Variants in OSBPL5 observed in about 807,000 individuals in gnomAD.
OSBPL5 encodes oxysterol-binding protein-related protein 5.
Under a neutral mutation model 111.2 loss-of-function variants are expected in OSBPL5, and 71 were observed. That is an observed-to-expected ratio of 0.64 (90% CI 0.53 to 0.78). OSBPL5 has a LOEUF of 0.78. Ranked by LOEUF, OSBPL5 falls within the 30% of genes least tolerant of loss-of-function variation. The probability of loss-of-function intolerance (pLI) is 0.00; values close to 1 mark genes in which losing one functional copy is unlikely to be tolerated. For missense variants in OSBPL5, 1,210 were observed against 1,189.3 expected (o/e 1.02, Z -0.26); for synonymous variants, 549 against 513.9 (o/e 1.07, Z -0.93).
intron 1 of OSBPL5, among the ~76,000 whole-genome samples, chr11:3,147,248 G>A (rs963151257): frequency 4.6e-5 from 7 of 152,318 alleles, no homozygotes; most frequent in Admixed American, 4.6e-4. Context: ...GAGGATGCTG[G>A]CAGAGGCCCT....
At chr11:3,125,792 G>A (rs1388790960) in intron 3 of OSBPL5, among the ~76,000 whole-genome samples, 1 of 134,938 alleles carries the variant, frequency 7.4e-6, no homozygotes, top group Non-Finnish European at 1.5e-5. Context: ...GTGACAGAGC[G>A]AGACTCCGTC....
intron 1 of OSBPL5, among the ~76,000 whole-genome samples, chr11:3,152,040 C>G (rs570127642): frequency 6.6e-6 from 1 of 152,226 alleles, no homozygotes; most frequent in Admixed American, 6.5e-5. Flanking sequence ...AGTGAGAAAG[C>G]GAGGCCTTCT....
chr11:3,126,951 C>T lies in OSBPL5; in HGVS notation c.137-396G>A. 6.6e-6 allele frequency among the ~76,000 whole-genome samples: 1 copy of T among 152,298 alleles called. No individual in the cohort carries two copies. Among genetic ancestry groups the T allele is most frequent in the South Asian group, 2.1e-4 (1 of 4,820 alleles). ...GGTTTGGGGCCCCTGGACTGTGCAT[C>T]CCCCTGGCTGGATGCTGCCGGCCCC... On this transcript the variant is annotated intron_variant, in intron 2 of 21. Coordinates refer to ENST00000263650, the MANE Select transcript of OSBPL5 (RefSeq NM_020896.4). This position sits in a 1 kb window ranked among gnomAD's most constrained non-coding sequence, Gnocchi z 6.5.
At chr11:3,100,703 A>C (rs1857423524) in intron 13 of OSBPL5, among the ~76,000 whole-genome samples, 1 of 152,144 alleles carries the variant, frequency 6.6e-6, no homozygotes, top group Admixed American at 6.5e-5. Flanking sequence ...CCCCTCCCAG[A>C]CTTCCACACA....
At chr11:3,145,221 G>A (rs928624294) in intron 1 of OSBPL5, among the ~76,000 whole-genome samples, 3 of 152,186 alleles carry the variant, frequency 2.0e-5, no homozygotes, top group African/African-American at 7.2e-5. Flanking sequence ...CTGTGGCAGA[G>A]CCACCTTTTC....
chr11:3,112,275 C>T (rs1858023056), intron 7 of OSBPL5, among the ~76,000 whole-genome samples: 1 of 152,142 alleles, frequency 6.6e-6, no homozygotes, highest in African/African-American at 2.4e-5. Context: ...TCTCCTTTCT[C>T]TTGCACCTTC....
At position 3,110,757 on chromosome 11, in the gene OSBPL5, T is replaced by C. The variant is rs1471117617; in HGVS notation, c.692-2812A>G. On this transcript the variant is annotated intron_variant, in intron 7 of 21. Coordinates refer to ENST00000263650, the MANE Select transcript of OSBPL5 (RefSeq NM_020896.4). The surrounding 1 kb of genome is among the most constrained non-coding windows in gnomAD (Gnocchi z 5.3). Reference sequence around the variant, plus strand: ...AAAAAATGCAACCATCTTTCTCTTATCTACCTATGACCTGGAAGCCCCTCC... The same window carrying C: ...AAAAAATGCAACCATCTTTCTCTTACCTACCTATGACCTGGAAGCCCCTCC... 1.3e-5 allele frequency among the ~76,000 whole-genome samples: 2 copies of C among 152,166 alleles called. No homozygotes were observed. Among genetic ancestry groups the C allele is most frequent in the East Asian group, 3.9e-4 (2 of 5,194 alleles).
At chr11:3,124,802 GAAT>G (rs1858548975) in intron 3 of OSBPL5, among the ~76,000 whole-genome samples, 1 of 138,770 alleles carries the variant, frequency 7.2e-6, no homozygotes, top group Admixed American at 7.2e-5. Flanking sequence ...TCGAATGAAT[GAAT>G]GGATGAATGG....
chr11:3,089,696 C>T (rs1856990656), intron 21 of OSBPL5, 150 bp downstream of exon 21: 1 of 704,472 alleles, frequency 1.4e-6, no homozygotes, highest in Non-Finnish European at 2.4e-6. Flanking sequence ...CGGTTGTCTT[C>T]CTTTCATCAC....
Position 3,092,637 on chromosome 11 carries a change from C to G in OSBPL5, c.2133-79G>C. On this transcript the variant is annotated intron_variant, in intron 18 of 21. Coordinates refer to ENST00000263650, the MANE Select transcript of OSBPL5 (RefSeq NM_020896.4). This position sits in a 1 kb window ranked among gnomAD's most constrained non-coding sequence, Gnocchi z 5.4. ...GGCTGTCCTGGCCCAGTCTTCAGCCCCCCAACAGTGGCCAGAGACCTCCAG... is the reference window on the plus strand; with the variant it reads ...GGCTGTCCTGGCCCAGTCTTCAGCCGCCCAACAGTGGCCAGAGACCTCCAG... 2.7e-6 allele frequency: 4 copies of G among 1,463,784 alleles called. No homozygotes were observed. Among genetic ancestry groups the G allele is most frequent in the Non-Finnish European group, 3.6e-6 (4 of 1,096,108 alleles). 90.7% of individuals were successfully genotyped at this position (1,463,784 alleles called of 1,614,324 possible). A position where few individuals can be genotyped will look rare whatever the true frequency, so the allele number is the denominator to read the frequency against.
Position 3,088,178 on chromosome 11 carries a change from C to T in OSBPL5, c.*27G>A, listed in dbSNP as rs2289998. 0.71 allele frequency: 1,080,338 copies of T among 1,527,110 alleles called. 384,217 individuals carry two copies. Among genetic ancestry groups the T allele is most frequent in the East Asian group, 0.84 (34,906 of 41,618 alleles). 94.6% of individuals were successfully genotyped at this position (1,527,110 alleles called of 1,614,324 possible). A position where few individuals can be genotyped will look rare whatever the true frequency, so the allele number is the denominator to read the frequency against. Reference sequence around the variant, plus strand: ...GTGCCTGGGAGGGAGGGCTCAGGACCGGCCAGGAGCTCTGCCCTCAGGGCT... The same window carrying T: ...GTGCCTGGGAGGGAGGGCTCAGGACTGGCCAGGAGCTCTGCCCTCAGGGCT... On this transcript the variant is annotated 3_prime_UTR_variant, in exon 22 of 22. Transcript: ENST00000263650.
At position 3,121,160 on chromosome 11, in the gene OSBPL5, C is replaced by T. The variant is rs948206376; in HGVS notation, c.403-536G>A. Among the ~76,000 whole-genome samples the T allele has an allele frequency of 7.3e-5, 11 of 150,486 alleles. No individual in the cohort carries two copies. The highest frequency in any genetic ancestry group is 2.0e-4 in the African/African-American group (8 of 40,770). On this transcript the variant is annotated intron_variant, in intron 5 of 21. Coordinates refer to ENST00000263650, the MANE Select transcript of OSBPL5 (RefSeq NM_020896.4). This position sits in a 1 kb window ranked among gnomAD's most constrained non-coding sequence, Gnocchi z 4.3. The stretch of plus-strand genomic sequence containing the variant: ...GCAAACTCTGCCTCCCAGGTTCAAG[C>T]GATTCTCCTGCCTCAGCCGCCCGAG...
In OSBPL5 at chr11:3,119,641, G is replaced by C; in HGVS notation, c.607-10C>G. ...TCTCACCTTTGGGGCCCTGGAGAGA[G>C]AGAGATCTGGGTGTCACCCGAGGCA... On this transcript the variant is annotated splice_polypyrimidine_tract_variant and intron_variant, in intron 6 of 21. Transcript: ENST00000263650. 3 of 1,579,866 alleles carry C rather than the reference G, an allele frequency of 1.9e-6. No homozygotes were observed. Among genetic ancestry groups the C allele is most frequent in the South Asian group, 1.2e-5 (1 of 86,624 alleles).
intron 1 of OSBPL5, among the ~76,000 whole-genome samples, chr11:3,137,622 G>C (rs1845985891): frequency 6.6e-6 from 1 of 152,202 alleles, no homozygotes; most frequent in Non-Finnish European, 1.5e-5. Context: ...AGATCAGCCT[G>C]GGCAACATAG....
At chr11:3,114,028 G>A (rs1020803451) in intron 7 of OSBPL5, among the ~76,000 whole-genome samples, 1 of 151,976 alleles carries the variant, frequency 6.6e-6, no homozygotes, top group Non-Finnish European at 1.5e-5. Flanking sequence ...AAATGTAATA[G>A]GACAAATACT....
chr11:3,091,885 C>T (rs1037549761), intron 19 of OSBPL5, among the ~76,000 whole-genome samples: 1 of 152,156 alleles, frequency 6.6e-6, no homozygotes, highest in African/African-American at 2.4e-5. Flanking sequence ...ACCCTCTGCA[C>T]GCAGTAGGTG....
At position 3,109,159 on chromosome 11, in the gene OSBPL5, C is replaced by G. The variant is rs1444300599; in HGVS notation, c.692-1214G>C. On this transcript the variant is annotated intron_variant, in intron 7 of 21. Transcript: ENST00000263650. The surrounding 1 kb of genome is among the most constrained non-coding windows in gnomAD (Gnocchi z 7.4). ...CTGGAGTGCAGTAGGGTGATCTCAG[C>G]TCGCTGCAACCTCTGACTCCAGGGT... is the stretch of plus-strand genomic sequence containing the variant. 6.6e-6 allele frequency among the ~76,000 whole-genome samples: 1 copy of G among 152,072 alleles called. No homozygotes were observed. The highest frequency in any genetic ancestry group is 1.9e-4 in the East Asian group (1 of 5,182).
At chr11:3,103,177 G>T in intron 11 of OSBPL5, 62 bp downstream of exon 11, 1 of 1,458,746 alleles carries the variant, frequency 6.9e-7, no homozygotes. Context: ...GCCAAGGGAC[G>T]AGGGCTGAGC....
Position 3,142,668 on chromosome 11 carries a change from TCTC to T in OSBPL5, c.-21-13502_-21-13500del, listed in dbSNP as rs1349290925. On this transcript the variant is annotated intron_variant, in intron 1 of 21. Transcript: ENST00000263650. This position sits in a 1 kb window ranked among gnomAD's most constrained non-coding sequence, Gnocchi z 7.1. ...GGACCGCTGGTTTCATGTCTCTGTC[TCTC>T]CTCATAGACCCACTCAGGTGGAGAC... 2.0e-5 allele frequency among the ~76,000 whole-genome samples: 3 copies of T among 152,146 alleles called. No homozygotes were observed. The highest frequency in any genetic ancestry group is 6.5e-5 in the Admixed American group (1 of 15,288).
Sources: gnomAD v4.1 joint callset for allele counts (sites outside exome capture counted in the v4.1 genomes callset) on GRCh38, gnomAD v4.1.1 for gene constraint, Gnocchi (gnomAD v3.1) non-coding constraint, MANE v1.5 for transcripts, NCBI Gene and HGNC (gene_info 2026-07-23, HGNC 2026-07-21) for gene names.